The following TENM1 variants were observed in gnomAD, a reference collection of about 807,000 sequenced individuals.
TENM1 encodes teneurin-1.
Under a neutral mutation model 174.8 loss-of-function variants are expected in TENM1, and 35 were observed. The observed-to-expected ratio is 0.20, with a 90% CI of 0.15 to 0.27. The LOEUF is 0.27. Ranked by LOEUF, TENM1 falls within the 10% of genes least tolerant of loss-of-function variation. The probability of loss-of-function intolerance (pLI) is 1.00; values close to 1 mark genes in which losing one functional copy is unlikely to be tolerated. For synonymous variants in TENM1, 781 were observed against 798.7 expected (o/e 0.98, Z 0.37); for missense variants, 1,633 against 2,130.1 (o/e 0.77, Z 4.59).
the TENM1 span, among the ~76,000 whole-genome samples, chrX:125,142,585 A>C: frequency 9.0e-6 from 1 of 110,899 alleles, no homozygotes; most frequent in Non-Finnish European, 1.9e-5. Flanking sequence ...TCTTGAAAAA[A>C]AAAAGCTGAA....
Position 124,637,403 on chromosome X carries a change from TA to T in TENM1, c.2077+4387del, listed in dbSNP as rs773936294. Among the ~76,000 whole-genome samples the T allele has an allele frequency of 5.4e-5, 6 of 111,285 alleles. No homozygotes were observed. In the South Asian group the frequency reaches 2.3e-3, roughly 43 times the overall value. ...GCGCCTGGCCCCAAGTGCTATTTTC[TA>T]ACCCCTCTCATGTCTGTCCTTTCCT... On this transcript the variant is annotated intron_variant, in intron 11 of 31. Coordinates refer to ENST00000422452, the Ensembl canonical transcript of TENM1.
chrX:124,965,359 G>A (rs763127133), upstream of TENM1, among the ~76,000 whole-genome samples: 3 of 111,917 alleles, frequency 2.7e-5, no homozygotes, highest in East Asian at 2.8e-4. Context: ...GATTACAGGC[G>A]TGAGGCACCA....
At chrX:124,808,424 C>A (rs773700643) in intron 3 of TENM1, among the ~76,000 whole-genome samples, 24 of 111,606 alleles carry the variant, frequency 2.2e-4, no homozygotes, top group African/African-American at 7.5e-4. Flanking sequence ...GACGGATCAA[C>A]CAGGCAGAAA....
In TENM1 at chrX:124,658,223, G is replaced by A. The variant is rs184136194; in HGVS notation, c.1169-4440C>T. ...TTTTCCTTACGTGAACTATCGAAGA[G>A]AAATATGTATTCAACTCTCAATTTT... On this transcript the variant is annotated intron_variant, in intron 6 of 31. Transcript: ENST00000422452. Among the ~76,000 whole-genome samples the A allele has an allele frequency of 4.5e-5, 5 of 111,587 alleles. No homozygotes were observed. In the Admixed American group the frequency reaches 4.8e-4, roughly 11 times the overall value.
At chrX:124,483,680 A>G (rs1040292398) in intron 21 of TENM1, among the ~76,000 whole-genome samples, 4 of 112,238 alleles carry the variant, frequency 3.6e-5, no homozygotes, top group African/African-American at 1.3e-4. Context: ...TCATTTATTA[A>G]GTGCATACAA....
intron 10 of TENM1, among the ~76,000 whole-genome samples, 195 bp downstream of exon 13, chrX:124,644,948 C>G (rs551726201): frequency 9.0e-6 from 1 of 111,127 alleles, no homozygotes; most frequent in South Asian, 3.8e-4. Context: ...ACAGATACAG[C>G]CTCATGTATA....
rs757395853 is a variant in TENM1, at chrX:124,498,667, C to A, written c.3446-1402G>T. Among the ~76,000 whole-genome samples the A allele has an allele frequency of 3.7e-5, 4 of 109,183 alleles. No homozygotes were observed. In the Admixed American group the frequency reaches 4.0e-4, roughly 11 times the overall value. The allele number at this position is 109,183 out of a possible 115,157, so 94.8% of individuals were successfully genotyped here. A position where few individuals can be genotyped will look rare whatever the true frequency, so the allele number is the denominator to read the frequency against. Reference sequence around the variant, plus strand: ...GTTCTATTCATCCTTTAAAGCTCAGCTCCAGTTTTCCTCAATGCTCCATCC... The same window carrying A: ...GTTCTATTCATCCTTTAAAGCTCAGATCCAGTTTTCCTCAATGCTCCATCC... On this transcript the variant is annotated intron_variant, in intron 19 of 31. Transcript: ENST00000422452.
At chrX:125,139,823 AACAC>A in the TENM1 span, among the ~76,000 whole-genome samples, 1,855 of 78,450 alleles carry the variant, frequency 0.024, 45 homozygotes, top group African/African-American at 0.084. Context: ...AGCTGCCCTC[AACAC>A]ACACACACAC....
At chrX:125,056,203 C>T in the TENM1 span, among the ~76,000 whole-genome samples, 18 of 110,987 alleles carry the variant, frequency 1.6e-4, no homozygotes, top group African/African-American at 5.6e-4. Flanking sequence ...CTGTACTGGT[C>T]ATCAAAGCCA....
At chrX:124,948,498 C>CT (rs1027808800) in intron 1 of TENM1, among the ~76,000 whole-genome samples, 1 of 112,650 alleles carries the variant, frequency 8.9e-6, no homozygotes, top group Non-Finnish European at 1.9e-5. Context: ...AATCAATACT[C>CT]TTTCAGGGTT....
At chrX:125,153,547 C>T in the TENM1 span, among the ~76,000 whole-genome samples, 2 of 112,232 alleles carry the variant, frequency 1.8e-5, no homozygotes, top group African/African-American at 6.5e-5. Flanking sequence ...TCCCATCTAA[C>T]ATTTGTAGAG....
chrX:124,402,381 A>G (rs2060410227), intron 27 of TENM1, among the ~76,000 whole-genome samples: 1 of 111,916 alleles, frequency 8.9e-6, no homozygotes, highest in South Asian at 3.7e-4. Context: ...GAGGGCCTTG[A>G]ATTTGTTGCC....
chrX:124,563,412 T>TTAAAAATTATTTAATAATTATTAAATC (rs2048867433), intron 13 of TENM1, among the ~76,000 whole-genome samples: 1 of 108,582 alleles, frequency 9.2e-6, no homozygotes, highest in African/African-American at 3.3e-5. Flanking sequence ...ATTATTAAAT[T>TTAAAAATTATTTAATAATTATTAAATC]ATTAAAAATT....
At chrX:125,026,338 A>C in the TENM1 span, among the ~76,000 whole-genome samples, 2 of 111,694 alleles carry the variant, frequency 1.8e-5, no homozygotes, top group Non-Finnish European at 3.8e-5. Context: ...AGAAATATAA[A>C]TCACTAACAT....
chrX:125,045,323 G>A, the TENM1 span, among the ~76,000 whole-genome samples: 1 of 111,156 alleles, frequency 9.0e-6, no homozygotes, highest in Non-Finnish European at 1.9e-5. Context: ...AGGCTCCATA[G>A]CGTTAGTATT....
the TENM1 span, among the ~76,000 whole-genome samples, chrX:125,115,300 C>G: frequency 9.0e-6 from 1 of 111,314 alleles, no homozygotes; most frequent in East Asian, 2.8e-4. Flanking sequence ...AATGGCCAAG[C>G]TGGAATCATT....
chrX:125,086,457 G>A, the TENM1 span, among the ~76,000 whole-genome samples: 2 of 110,594 alleles, frequency 1.8e-5, no homozygotes, highest in African/African-American at 6.5e-5. Flanking sequence ...TCAAGAACAT[G>A]GTGTATGTCT....
chrX:125,092,001 A>C, the TENM1 span, among the ~76,000 whole-genome samples: 1 of 107,290 alleles, frequency 9.3e-6, no homozygotes, highest in African/African-American at 3.4e-5. Flanking sequence ...AAAAAAAAAA[A>C]AAAAAAAAAA....
At chrX:124,446,863 A>G (rs940595806) in intron 23 of TENM1, among the ~76,000 whole-genome samples, 1 of 111,961 alleles carries the variant, frequency 8.9e-6, no homozygotes, top group African/African-American at 3.2e-5. Context: ...AAAGGTGGGA[A>G]CTCCACAAAA....
Sources: allele counts gnomAD v4.1 joint callset (sites outside exome capture counted in the v4.1 genomes callset), GRCh38; gene constraint gnomAD v4.1.1; transcripts MANE v1.5; gene names NCBI Gene and HGNC (gene_info 2026-07-23, HGNC 2026-07-21).